Variants in INVS observed in about 807,000 individuals in gnomAD.
INVS encodes the protein inversion of embryo turning homolog.
INVS carries 86 observed loss-of-function variants against 108.8 expected under a neutral mutation model. That is an observed-to-expected ratio of 0.79 (90% CI 0.66 to 0.95). The LOEUF (loss-of-function observed/expected upper bound fraction) is 0.95. Among genes scored for constraint, INVS ranks in the 40% least tolerant of loss-of-function variants. The pLI, the probability that INVS is intolerant of heterozygous loss-of-function variation, is 0.00. For synonymous variants in INVS, 455 were observed against 473.5 expected (o/e 0.96, Z 0.51); for missense variants, 1,169 against 1,297.4 (o/e 0.90, Z 1.52).
At chr9:100,253,261 T>A in intron 10 of INVS, 125 bp downstream of exon 10, 4 of 719,838 alleles carry the variant, frequency 5.6e-6, no homozygotes, top group Non-Finnish European at 9.7e-6. Context: ...CATCTGTTAA[T>A]CATGACTATT....
chr9:100,275,231 T>A (rs1469959045), intron 12 of INVS, among the ~76,000 whole-genome samples: 1 of 152,228 alleles, frequency 6.6e-6, no homozygotes, highest in Non-Finnish European at 1.5e-5. Context: ...CATAAGTAGA[T>A]AATACACATG....
intron 3 of INVS, among the ~76,000 whole-genome samples, chr9:100,222,160 G>T (rs1203056159): frequency 6.6e-6 from 1 of 152,046 alleles, no homozygotes; most frequent in African/African-American, 2.4e-5. Flanking sequence ...GGCCATTCTT[G>T]GTTCTATCTG....
At chr9:100,151,918 T>C (rs1010409485) in intron 3 of INVS, among the ~76,000 whole-genome samples, 8 of 152,214 alleles carry the variant, frequency 5.3e-5, no homozygotes, top group African/African-American at 1.9e-4. Context: ...AAAATACAGC[T>C]GATTCATATT....
intron 3 of INVS, among the ~76,000 whole-genome samples, chr9:100,145,068 T>C (rs565678525): frequency 2.8e-4 from 42 of 152,186 alleles, no homozygotes; most frequent in African/African-American, 9.9e-4. Context: ...CAAGCGGCAT[T>C]GTAGAAGAAA....
At chr9:100,230,707 C>T (rs1255669694) in intron 5 of INVS, among the ~76,000 whole-genome samples, 2 of 151,940 alleles carry the variant, frequency 1.3e-5, no homozygotes, top group East Asian at 3.9e-4. Flanking sequence ...TTAGTAGAGA[C>T]CGGGTTTCAC....
intron 2 of INVS, among the ~76,000 whole-genome samples, chr9:100,125,391 C>T (rs1166377428): frequency 6.6e-6 from 1 of 152,158 alleles, no homozygotes; most frequent in East Asian, 1.9e-4. Context: ...AGAGAGTAGA[C>T]TTCTCTTGAG....
chr9:100,209,874 C>T (rs1234168734), intron 3 of INVS, among the ~76,000 whole-genome samples: 1 of 151,314 alleles, frequency 6.6e-6, no homozygotes, highest in Non-Finnish European at 1.5e-5. Flanking sequence ...CGAGTTCTTG[C>T]TTATCTTTTG....
At chr9:100,172,376 C>A (rs573927183) in intron 3 of INVS, among the ~76,000 whole-genome samples, 1 of 152,266 alleles carries the variant, frequency 6.6e-6, no homozygotes, top group Non-Finnish European at 1.5e-5. Context: ...ACAATGAATT[C>A]TTGTAGAGTC....
At chr9:100,116,107 CTTTTTTTT>C (rs200846946) in intron 2 of INVS, among the ~76,000 whole-genome samples, 1 of 128,728 alleles carries the variant, frequency 7.8e-6, no homozygotes, top group African/African-American at 3.0e-5. Flanking sequence ...TCTTTTTTTT[CTTTTTTTT>C]TTTTTTGAGA....
At position 100,160,079 on chromosome 9, in the gene INVS, C is replaced by G. The variant is rs528149398; in HGVS notation, c.273+33530C>G. Among the ~76,000 whole-genome samples the G allele has an allele frequency of 1.4e-3, 208 of 152,268 alleles. 1 individual carries two copies. The highest frequency in any genetic ancestry group is 4.7e-3 in the African/African-American group (197 of 41,574). On this transcript the variant is annotated intron_variant, in intron 3 of 16. Transcript: ENST00000262457. Reference sequence around the variant, plus strand: ...CTTTGCTCTGATGTATCTTATGAAGCCTTTCTACTTCCAAATGAAGACTAT... The same window carrying G: ...CTTTGCTCTGATGTATCTTATGAAGGCTTTCTACTTCCAAATGAAGACTAT...
rs780527510 is a variant in INVS at position 100,292,742 on chromosome 9, C to T, written c.2485C>T (p.Arg829Cys). Residue 829 changes from arginine to cysteine, a missense_variant, in exon 14 of 17, where the codon CGT becomes TGT. Physicochemically the swap from Arg to Cys is radical, Grantham distance 180. This residue lies in a region of INVS where 533 missense variants were observed against 536.0 expected (regional missense o/e 0.99). Coordinates refer to ENST00000262457, the MANE Select transcript of INVS (RefSeq NM_014425.5). ...VHAGQNPPHH[R>C]TPRNKVTQAK... Reference sequence around the variant, plus strand: ...TGCTGGGCAGAATCCTCCCCACCATCGTACACCAAGAAACAAAGTGACACA... The same window carrying T: ...TGCTGGGCAGAATCCTCCCCACCATTGTACACCAAGAAACAAAGTGACACA... 15 of 1,614,080 alleles carry T rather than the reference C, an allele frequency of 9.3e-6. No homozygotes were observed. Among genetic ancestry groups the T allele is most frequent in the East Asian group, 2.2e-5 (1 of 44,898 alleles).
intron 3 of INVS, among the ~76,000 whole-genome samples, chr9:100,164,216 A>G (rs1462911500): frequency 6.6e-6 from 1 of 152,216 alleles, no homozygotes; most frequent in Admixed American, 6.5e-5. Flanking sequence ...GGTAGTACAT[A>G]TGTTAATTAT....
In INVS at chr9:100,301,976, G is replaced by T. The variant is rs558279524; in HGVS notation, c.*1302G>T. 4.4e-5 allele frequency: 18 copies of T among 410,204 alleles called. No homozygotes were observed. In the Admixed American group the frequency reaches 6.8e-4, roughly 16 times the overall value. 25.4% of individuals were successfully genotyped at this position (410,204 alleles called of 1,614,324 possible). A position where few individuals can be genotyped will look rare whatever the true frequency, so the allele number is the denominator to read the frequency against. On this transcript the variant is annotated 3_prime_UTR_variant, in exon 17 of 17. Coordinates refer to ENST00000262457, the MANE Select transcript of INVS (RefSeq NM_014425.5). The stretch of plus-strand genomic sequence containing the variant: ...CCTATGAAATGCACAATGCACAACC[G>T]CCTATGACCATGTATCGTGTGCTAG...
At chr9:100,226,317 G>T in intron 4 of INVS, 82 bp downstream of exon 4, 1 of 1,178,724 alleles carries the variant, frequency 8.5e-7, no homozygotes, top group South Asian at 1.3e-5. Flanking sequence ...AAGGAAGAAG[G>T]CCTGAATTAC....
chr9:100,196,127 T>C (rs1490454981), intron 3 of INVS, among the ~76,000 whole-genome samples: 1 of 152,222 alleles, frequency 6.6e-6, no homozygotes, highest in Admixed American at 6.5e-5. Flanking sequence ...TGGAGTTTTT[T>C]CTTTTCGATT....
In INVS at chr9:100,188,437, T is replaced by G. The variant is rs1476546516; in HGVS notation, c.274-37625T>G. On this transcript the variant is annotated intron_variant, in intron 3 of 16. Coordinates refer to ENST00000262457, the MANE Select transcript of INVS (RefSeq NM_014425.5). ...GCTTTTTCTGTGTCTATTGAGATGA[T>G]TGTATGTTTTTTATTTTTAATTCCA... 2.6e-5 allele frequency among the ~76,000 whole-genome samples: 4 copies of G among 152,282 alleles called. No individual in the cohort carries two copies. In the East Asian group the frequency reaches 7.7e-4, roughly 29 times the overall value.
intron 1 of INVS, among the ~76,000 whole-genome samples, chr9:100,100,036 T>C (rs1826770656): frequency 6.6e-6 from 1 of 152,166 alleles, no homozygotes. Flanking sequence ...TCAGAATTAC[T>C]CTTCCTATGA....
At chr9:100,287,230 A>T (rs1347410606) in intron 13 of INVS, among the ~76,000 whole-genome samples, 2 of 152,334 alleles carry the variant, frequency 1.3e-5, no homozygotes, top group South Asian at 2.1e-4. Context: ...AGTAGACTAG[A>T]CTGGCTTCCT....
In INVS at chr9:100,284,525, G is replaced by A. The variant is rs1397635177; in HGVS notation, c.1990G>A (p.Gly664Arg). Residue 664 changes from glycine (G) to arginine (R), a missense_variant, in exon 13 of 17, where the codon GGG becomes AGG. Physicochemically the swap from Gly to Arg is moderately radical, Grantham distance 125. Transcript: ENST00000262457. ...AAGAGACAGCAGAGGATCTCCAGGA[G>A]GGTCTCTAGGCGGAGCCCTCCAGAA... The part of the protein sequence containing the change: ...EPRDSRGSPG[G>R]SLGGALQKEQ... The A allele has an allele frequency of 8.7e-6, 14 of 1,614,034 alleles. No homozygotes were observed. The highest frequency in any genetic ancestry group is 1.2e-5 in the Non-Finnish European group (14 of 1,179,934).
Sources: allele counts gnomAD v4.1 joint callset (sites outside exome capture counted in the v4.1 genomes callset), GRCh38; gene constraint gnomAD v4.1.1; regional missense constraint gnomAD v4.1.1; transcripts MANE v1.5; gene names NCBI Gene and HGNC (gene_info 2026-07-23, HGNC 2026-07-21).